The following TMEM132C variants were observed in gnomAD, a reference collection of about 807,000 sequenced individuals.
The protein encoded by TMEM132C is transmembrane protein 132C.
A neutral mutation model predicts 61.4 loss-of-function variants in TMEM132C; 29 were observed. The ratio of observed to expected loss-of-function variants is 0.47; its 90% confidence interval spans 0.35 to 0.64. The LOEUF is 0.64. Ranked by LOEUF, TMEM132C falls within the 30% of genes least tolerant of loss-of-function variation. The pLI is 0.00. For synonymous variants in TMEM132C, 656 were observed against 633.1 expected, an observed-to-expected ratio of 1.04 and a Z score of -0.54; for missense variants, 1,408 against 1,476.9, an observed-to-expected ratio of 0.95 and a Z score of 0.76.
At chr12:128,493,634 T>C (rs368325448) in intron 2 of TMEM132C, among the ~76,000 whole-genome samples, 2 of 152,204 alleles carry the variant, frequency 1.3e-5, no homozygotes, top group South Asian at 2.1e-4. Context: ...AGTTCACTCA[T>C]GTTTTGGCTC....
At chr12:128,664,569 C>T (rs1954437561) in intron 4 of TMEM132C, among the ~76,000 whole-genome samples, 1 of 152,206 alleles carries the variant, frequency 6.6e-6, no homozygotes, top group Non-Finnish European at 1.5e-5. Flanking sequence ...GGCCTTGAGA[C>T]AGTGTTGATA....
chr12:128,360,455 C>A (rs189868596), intron 1 of TMEM132C, among the ~76,000 whole-genome samples: 2 of 152,082 alleles, frequency 1.3e-5, no homozygotes, highest in African/African-American at 2.4e-5. Context: ...ACTTAGGAAC[C>A]GAATGCTTAA....
chr12:128,572,448 C>T (rs958101407), intron 3 of TMEM132C, among the ~76,000 whole-genome samples: 3 of 151,998 alleles, frequency 2.0e-5, no homozygotes, highest in Admixed American at 6.5e-5. Context: ...GCCTGGGTCG[C>T]ATGACCACTG....
At chr12:128,431,933 T>C (rs1443275536) in intron 2 of TMEM132C, among the ~76,000 whole-genome samples, 1 of 152,158 alleles carries the variant, frequency 6.6e-6, no homozygotes, top group African/African-American at 2.4e-5. Context: ...CTGGTGACTT[T>C]CAGTTGCTCA....
chr12:128,598,467 G>A (rs1455030251), intron 3 of TMEM132C, among the ~76,000 whole-genome samples: 2 of 151,998 alleles, frequency 1.3e-5, no homozygotes, highest in Admixed American at 6.6e-5. Context: ...AATGAGTGTG[G>A]AAGACAGCTC....
At chr12:128,319,152 C>A (rs957737681) in intron 1 of TMEM132C, among the ~76,000 whole-genome samples, 1 of 152,158 alleles carries the variant, frequency 6.6e-6, no homozygotes, top group Non-Finnish European at 1.5e-5. Context: ...GTAGAGCAGG[C>A]CTCCTTTGTG....
chr12:128,468,433 T>C (rs1270853063), intron 2 of TMEM132C, among the ~76,000 whole-genome samples: 1 of 152,172 alleles, frequency 6.6e-6, no homozygotes, highest in Non-Finnish European at 1.5e-5. Flanking sequence ...TTCTTCTGCC[T>C]CAGCCTCCCA....
chr12:128,372,652 A>C (rs1874063487), intron 1 of TMEM132C, among the ~76,000 whole-genome samples: 1 of 152,152 alleles, frequency 6.6e-6, no homozygotes, highest in Non-Finnish European at 1.5e-5. Context: ...ATATATTCCT[A>C]GATTAAGTAA....
chr12:128,408,486 A>C (rs1868395537), intron 1 of TMEM132C, among the ~76,000 whole-genome samples: 1 of 152,180 alleles, frequency 6.6e-6, no homozygotes, highest in Non-Finnish European at 1.5e-5. Context: ...CTAAGTCCCT[A>C]CACTTCAAGA....
At chr12:128,561,337 G>A (rs1451046403) in intron 3 of TMEM132C, among the ~76,000 whole-genome samples, 1 of 152,206 alleles carries the variant, frequency 6.6e-6, no homozygotes, top group Non-Finnish European at 1.5e-5. Flanking sequence ...ATGCCAGGCT[G>A]CCTCTCAGAA....
intron 2 of TMEM132C, among the ~76,000 whole-genome samples, chr12:128,511,592 G>A (rs1872566805): frequency 2.0e-5 from 3 of 152,228 alleles, no homozygotes; most frequent in Non-Finnish European, 4.4e-5. Flanking sequence ...GCCACAGACA[G>A]TGTCACTTTC....
intron 1 of TMEM132C, among the ~76,000 whole-genome samples, chr12:128,301,553 A>C (rs916702017): frequency 6.6e-6 from 1 of 152,226 alleles, no homozygotes; most frequent in Non-Finnish European, 1.5e-5. Flanking sequence ...TGTGCCTCCC[A>C]GAGCCAGAAT....
chr12:128,480,002 A>C (rs1871270757), intron 2 of TMEM132C, among the ~76,000 whole-genome samples: 1 of 152,208 alleles, frequency 6.6e-6, no homozygotes, highest in Non-Finnish European at 1.5e-5. Flanking sequence ...TCATGCCTGT[A>C]ATCTCAGCAC....
chr12:128,343,173 C>G (rs1030047618), intron 1 of TMEM132C, among the ~76,000 whole-genome samples: 1 of 152,134 alleles, frequency 6.6e-6, no homozygotes, highest in Admixed American at 6.5e-5. Flanking sequence ...TGCCTGTAAT[C>G]CCAGCACTTT....
chr12:128,681,225 A>C (rs1973322), intron 5 of TMEM132C, among the ~76,000 whole-genome samples: 92,102 of 151,834 alleles, frequency 0.61, 28,461 homozygotes, highest in African/African-American at 0.74. Context: ...AGTGATCTGC[A>C]CACCTTGGCC....
At chr12:128,422,832 A>C (rs1869035267) in intron 2 of TMEM132C, among the ~76,000 whole-genome samples, 1 of 152,226 alleles carries the variant, frequency 6.6e-6, no homozygotes, top group African/African-American at 2.4e-5. Context: ...CTGACAACCA[A>C]AATGTCTCCA....
intron 1 of TMEM132C, among the ~76,000 whole-genome samples, chr12:128,269,529 G>A (rs1870439821): frequency 6.6e-6 from 1 of 152,232 alleles, no homozygotes; most frequent in East Asian, 1.9e-4. Context: ...AACTAGGGAC[G>A]TAGCGAAGCC....
chr12:128,408,703 C>T lies in TMEM132C; in HGVS notation c.86-6029C>T, dbSNP rs544637991. Among the ~76,000 whole-genome samples, 9 of 152,274 alleles carry T rather than the reference C, an allele frequency of 5.9e-5. No individual in the cohort carries two copies. In the South Asian group the frequency reaches 1.4e-3, roughly 25 times the overall value. ...TGAAATTAGGGGGTTAAAATGGAAG[C>T]GCCGAGCCATCCCTAAAGAGAGGGA... On this transcript the variant is annotated intron_variant, in intron 1 of 8. Coordinates refer to ENST00000435159, the MANE Select transcript of TMEM132C (RefSeq NM_001136103.3).
intron 4 of TMEM132C, among the ~76,000 whole-genome samples, chr12:128,620,640 C>T (rs530042194): frequency 7.9e-5 from 12 of 152,240 alleles, no homozygotes; most frequent in African/African-American, 1.7e-4. Context: ...TCTTTGCCCC[C>T]GGGACTGATA....
Sources: allele counts gnomAD v4.1 joint callset (sites outside exome capture counted in the v4.1 genomes callset), GRCh38; gene constraint gnomAD v4.1.1; transcripts MANE v1.5; gene names NCBI Gene and HGNC (gene_info 2026-07-23, HGNC 2026-07-21).